Variants in GATAD2B observed in about 807,000 individuals in gnomAD.
The protein encoded by GATAD2B is GATA zinc finger domain containing 2B, also known as transcriptional repressor p66-beta.
A neutral mutation model predicts 64.3 loss-of-function variants in GATAD2B; 8 were observed. The observed-to-expected ratio is 0.12, with a 90% CI of 0.07 to 0.22. GATAD2B has a LOEUF of 0.22. GATAD2B is among the 10% of genes least tolerant of loss of function. GATAD2B has a pLI of 1.00. For missense variants in GATAD2B, 453 were observed against 752.0 expected, an observed-to-expected ratio of 0.60 and a Z score of 4.65; for synonymous variants, 281 against 271.3, an observed-to-expected ratio of 1.04 and a Z score of -0.35.
At chr1:153,889,916 G>A (rs992192855) in intron 1 of GATAD2B, among the ~76,000 whole-genome samples, 29 of 152,052 alleles carry the variant, frequency 1.9e-4, no homozygotes, top group African/African-American at 6.8e-4. Context: ...GCTCACGCCT[G>A]TAATCTCAGC....
intron 1 of GATAD2B, among the ~76,000 whole-genome samples, chr1:153,907,440 TGA>T (rs2101965556): frequency 6.6e-6 from 1 of 152,278 alleles, no homozygotes; most frequent in Non-Finnish European, 1.5e-5. Flanking sequence ...ATGAAGTACC[TGA>T]AGTAGTCAAA....
intron 2 of GATAD2B, among the ~76,000 whole-genome samples, chr1:153,825,226 G>A (rs1205096137): frequency 2.0e-5 from 3 of 152,216 alleles, no homozygotes; most frequent in Non-Finnish European, 4.4e-5. Flanking sequence ...GGGTAAGAGA[G>A]ATTATAAAAG....
intron 1 of GATAD2B, among the ~76,000 whole-genome samples, chr1:153,900,721 G>A (rs1402423324): frequency 1.3e-5 from 2 of 152,046 alleles, no homozygotes; most frequent in African/African-American, 2.4e-5. Context: ...AAATATTTTA[G>A]GTTTTGGAGG....
At chr1:153,813,556 AAG>A in intron 7 of GATAD2B, 104 bp from the exon 8 acceptor site, 1 of 752,006 alleles carries the variant, frequency 1.3e-6, no homozygotes, top group South Asian at 1.7e-5. Context: ...GAATTAAAGA[AAG>A]AGACTTTACA....
At chr1:153,832,134 G>A (rs954801470) in intron 1 of GATAD2B, among the ~76,000 whole-genome samples, 2 of 152,064 alleles carry the variant, frequency 1.3e-5, no homozygotes, top group Admixed American at 1.3e-4. Context: ...AGGATCACTT[G>A]AACCCGGGAG....
chr1:153,905,217 T>C (rs890317579), intron 1 of GATAD2B, among the ~76,000 whole-genome samples: 2 of 151,794 alleles, frequency 1.3e-5, no homozygotes, highest in Non-Finnish European at 2.9e-5. Context: ...CTAATAAAAA[T>C]ACAAACAATT....
intron 1 of GATAD2B, chr1:153,853,407 T>C (rs529149895): frequency 3.1e-5 from 20 of 653,850 alleles, no homozygotes; most frequent in African/African-American, 2.9e-4. Flanking sequence ...CTGCAACAGA[T>C]GCCATTTTTC....
At chr1:153,922,089 T>G (rs1332212133) in intron 1 of GATAD2B, 1 of 152,168 alleles carries the variant, frequency 6.6e-6, no homozygotes, top group East Asian at 1.9e-4. Context: ...TCTCTTCCCC[T>G]ACGGGAGGGC....
intron 1 of GATAD2B, among the ~76,000 whole-genome samples, chr1:153,844,539 G>A (rs1675615003): frequency 6.6e-6 from 1 of 151,754 alleles, no homozygotes; most frequent in African/African-American, 2.4e-5. Context: ...CACAATATCT[G>A]GAATTTGATT....
rs934115740 is a variant in GATAD2B at position 153,914,931 on chromosome 1, GA to G, written c.-2+7801del. 2.1e-3 allele frequency among the ~76,000 whole-genome samples: 301 copies of G among 144,488 alleles called. 2 individuals are homozygous for G. The highest frequency in any genetic ancestry group is 7.2e-3 in the African/African-American group (284 of 39,506). 94.8% of individuals were successfully genotyped at this position (144,488 alleles called of 152,430 possible). A position where few individuals can be genotyped will look rare whatever the true frequency, so the allele number is the denominator to read the frequency against. ...AACAGAGCAAGGCTGTGTTTCAAAA[GA>G]AAAAAAAAAGGCCAGGAGCAGTGGC... On this transcript the variant is annotated intron_variant, in intron 1 of 10. Coordinates refer to ENST00000368655, the MANE Select transcript of GATAD2B (RefSeq NM_020699.4).
intron 1 of GATAD2B, among the ~76,000 whole-genome samples, chr1:153,879,793 C>G (rs1376089609): frequency 2.1e-5 from 3 of 144,406 alleles, no homozygotes; most frequent in African/African-American, 7.5e-5. Context: ...AGACATCATA[C>G]TAAACTGAGC....
At position 153,844,923 on chromosome 1, in the gene GATAD2B, A is replaced by G. The variant is rs541932294; in HGVS notation, c.-1-16575T>C. 2.6e-5 allele frequency among the ~76,000 whole-genome samples: 4 copies of G among 152,240 alleles called. No individual in the cohort carries two copies. The East Asian group carries it at 7.7e-4, about 29-fold the overall frequency. ...AACTTAAAGTATAATAAAAAAAAAA[A>G]AGATTAACAGGCTTGCAAAGAGGCA... On this transcript the variant is annotated intron_variant, in intron 1 of 10. Coordinates refer to ENST00000368655, the MANE Select transcript of GATAD2B (RefSeq NM_020699.4).
intron 1 of GATAD2B, among the ~76,000 whole-genome samples, chr1:153,881,756 A>G (rs1015361355): frequency 6.6e-6 from 1 of 151,812 alleles, no homozygotes; most frequent in Admixed American, 6.6e-5. Context: ...AAGGAGGAAA[A>G]TAATGAGATG....
intron 4 of GATAD2B, 138 bp from the exon 5 acceptor site, chr1:153,818,309 GTTTTC>G: frequency 1.2e-4 from 69 of 568,720 alleles, no homozygotes; most frequent in Middle Eastern, 3.8e-4. Context: ...GGGAGTCAAG[GTTTTC>G]TTTTTTTTTT....
intron 1 of GATAD2B, among the ~76,000 whole-genome samples, chr1:153,834,042 G>A (rs1675179477): frequency 6.7e-6 from 1 of 150,360 alleles, no homozygotes; most frequent in African/African-American, 2.4e-5. Context: ...TCACTCTGTT[G>A]CCCAGTCTGG....
intron 2 of GATAD2B, among the ~76,000 whole-genome samples, chr1:153,823,886 C>T (rs982037583): frequency 3.3e-5 from 5 of 152,050 alleles, no homozygotes; most frequent in South Asian, 2.1e-4. Flanking sequence ...CCCGCCACCA[C>T]GCCTGGCTAA....
At chr1:153,882,395 C>G (rs925135761) in intron 1 of GATAD2B, among the ~76,000 whole-genome samples, 1 of 152,150 alleles carries the variant, frequency 6.6e-6, no homozygotes, top group Non-Finnish European at 1.5e-5. Context: ...ACTAATAAGA[C>G]AGCAGGTGTA....
chr1:153,840,269 A>C (rs539305522), intron 1 of GATAD2B, among the ~76,000 whole-genome samples: 1 of 151,574 alleles, frequency 6.6e-6, no homozygotes, highest in African/African-American at 2.4e-5. Flanking sequence ...TCCTGACCTC[A>C]GGTGATCCAC....
chr1:153,836,263 GTTTT>G (rs754264117), intron 1 of GATAD2B, among the ~76,000 whole-genome samples: 1 of 106,574 alleles, frequency 9.4e-6, no homozygotes, highest in Non-Finnish European at 2.0e-5. Flanking sequence ...AAAAAAATTT[GTTTT>G]TTTTTTTTTT....
Sources: gnomAD v4.1 joint callset for allele counts (sites outside exome capture counted in the v4.1 genomes callset) on GRCh38, gnomAD v4.1.1 for gene constraint, MANE v1.5 for transcripts, NCBI Gene and HGNC (gene_info 2026-07-23, HGNC 2026-07-21) for gene names.